Variants in SYT1 observed in about 807,000 individuals in gnomAD.
The protein encoded by SYT1 is synaptotagmin 1.
A neutral mutation model predicts 44.8 loss-of-function variants in SYT1; 8 were observed. The ratio of observed to expected loss-of-function variants is 0.18; its 90% CI spans 0.10 to 0.32. SYT1 has a LOEUF of 0.32. SYT1 is among the 10% of genes least tolerant of loss of function. SYT1 has a pLI of 1.00. For missense variants in SYT1, 286 were observed against 509.3 expected, an observed-to-expected ratio of 0.56 and a Z score of 4.22; for synonymous variants, 154 against 188.8, an observed-to-expected ratio of 0.82 and a Z score of 1.51.
chr12:79,248,813 C>G (rs1877006426), intron 4 of SYT1, among the ~76,000 whole-genome samples: 2 of 152,134 alleles, frequency 1.3e-5, no homozygotes, highest in Admixed American at 6.6e-5. Flanking sequence ...AGAGTTAGCC[C>G]TGCAAAGGAG....
At chr12:79,339,673 A>G (rs1208044629) in intron 8 of SYT1, among the ~76,000 whole-genome samples, 2 of 152,136 alleles carry the variant, frequency 1.3e-5, no homozygotes, top group Non-Finnish European at 2.9e-5. Flanking sequence ...CTTTAGTTTA[A>G]TTAGATCCCA....
chr12:78,879,091 A>AC (rs763703006), intron 1 of SYT1, among the ~76,000 whole-genome samples: 1 of 151,668 alleles, frequency 6.6e-6, no homozygotes, highest in Non-Finnish European at 1.5e-5. Context: ...ACCCATTCCC[A>AC]CCCCAGGCTT....
In SYT1 at chr12:78,872,630, C is replaced by A. The variant is rs545793160; in HGVS notation, c.-217+7521C>A. Among the ~76,000 whole-genome samples the A allele has an allele frequency of 2.6e-5, 4 of 151,714 alleles. No homozygotes were observed. The East Asian group carries it at 7.7e-4, about 29-fold the overall frequency. On this transcript the variant is annotated intron_variant, in intron 1 of 10. Transcript: ENST00000261205. ...GCCCTTCTTCCTTCTTTTCTTCATT[C>A]TTTTGTCTTTCCTTTCTTTTTTTGT...
chr12:79,416,753 T>G (rs1248179040), intron 9 of SYT1, among the ~76,000 whole-genome samples: 1 of 152,200 alleles, frequency 6.6e-6, no homozygotes, highest in African/African-American at 2.4e-5. Context: ...AGCAAACTAT[T>G]TGAAATGCAT....
intron 3 of SYT1, among the ~76,000 whole-genome samples, chr12:79,112,996 AAGTGTACAAAG>A (rs1879095462): frequency 6.6e-6 from 1 of 152,132 alleles, no homozygotes; most frequent in South Asian, 2.1e-4. Flanking sequence ...ACACCAACAG[AAGTGTACAAAG>A]AGATAATGAA....
chr12:78,973,363 T>A (rs1474995060), intron 1 of SYT1, among the ~76,000 whole-genome samples: 1 of 152,132 alleles, frequency 6.6e-6, no homozygotes, highest in Non-Finnish European at 1.5e-5. Flanking sequence ...TCCTTCTAAC[T>A]GAAATTTTGT....
rs116674850 is a variant in SYT1 at position 79,188,465 on chromosome 12, C to T, written c.-17-29038C>T. Among the ~76,000 whole-genome samples the T allele has an allele frequency of 4.7e-3, 715 of 152,128 alleles. 10 individuals are homozygous for T. Among genetic ancestry groups the T allele is most frequent in the African/African-American group, 0.017 (696 of 41,520 alleles). Reference sequence around the variant, plus strand: ...AAATGGTGTAATTTGGATTTTGAACCCTTTTCTCAGGACTTAGATTGTTTT... The same window carrying T: ...AAATGGTGTAATTTGGATTTTGAACTCTTTTCTCAGGACTTAGATTGTTTT... On this transcript the variant is annotated intron_variant, in intron 3 of 10. Transcript: ENST00000261205.
chr12:79,179,431 GAT>G (rs1872310198), intron 3 of SYT1, among the ~76,000 whole-genome samples: 2 of 7,220 alleles, frequency 2.8e-4, no homozygotes, highest in East Asian at 1.7e-3. Flanking sequence ...TATCTATATA[GAT>G]ATATCCATAT....
intron 1 of SYT1, among the ~76,000 whole-genome samples, chr12:78,895,660 T>C (rs1365752324): frequency 1.3e-5 from 2 of 151,800 alleles, no homozygotes; most frequent in Non-Finnish European, 2.9e-5. Flanking sequence ...CAAAAATGAA[T>C]GATTGTGAAA....
At chr12:79,346,000 A>C (rs1882589842) in intron 8 of SYT1, among the ~76,000 whole-genome samples, 1 of 152,214 alleles carries the variant, frequency 6.6e-6, no homozygotes, top group Non-Finnish European at 1.5e-5. Context: ...TACAATTAAC[A>C]TAAATAGAAT....
intron 2 of SYT1, among the ~76,000 whole-genome samples, chr12:78,993,664 A>T (rs61928089): frequency 0.084 from 12,787 of 152,286 alleles, 665 homozygotes; most frequent in African/African-American, 0.14. Flanking sequence ...CAAAATTTTT[A>T]AAAGTATTTA....
intron 9 of SYT1, among the ~76,000 whole-genome samples, chr12:79,399,917 A>G (rs1009342893): frequency 6.6e-6 from 1 of 152,368 alleles, no homozygotes; most frequent in African/African-American, 2.4e-5. Flanking sequence ...CAAGCTAATC[A>G]GTTATATCCA....
At chr12:79,047,959 G>A (rs1874195814) in intron 3 of SYT1, among the ~76,000 whole-genome samples, 1 of 151,796 alleles carries the variant, frequency 6.6e-6, no homozygotes, top group Admixed American at 6.6e-5. Flanking sequence ...CAAAGTACAT[G>A]TTGATGTCAA....
At chr12:79,281,734 T>C (rs1019998350) in intron 4 of SYT1, among the ~76,000 whole-genome samples, 7 of 152,196 alleles carry the variant, frequency 4.6e-5, no homozygotes, top group African/African-American at 1.4e-4. Flanking sequence ...TAATGTATAG[T>C]TACCTATATA....
At chr12:79,192,477 A>C (rs1395117799) in intron 3 of SYT1, among the ~76,000 whole-genome samples, 1 of 152,146 alleles carries the variant, frequency 6.6e-6, no homozygotes, top group East Asian at 1.9e-4. Context: ...TCAGATGCTC[A>C]TTACTCGGGG....
intron 3 of SYT1, among the ~76,000 whole-genome samples, chr12:79,168,719 TG>T (rs1871346720): frequency 6.6e-6 from 1 of 152,048 alleles, no homozygotes; most frequent in South Asian, 2.1e-4. Flanking sequence ...TTAGCAAGGA[TG>T]TGATTTTGAG....
intron 3 of SYT1, among the ~76,000 whole-genome samples, chr12:79,123,592 C>T (rs1393431258): frequency 6.6e-6 from 1 of 152,112 alleles, no homozygotes; most frequent in African/African-American, 2.4e-5. Context: ...AATTCAGAAA[C>T]ACATTTACTG....
chr12:79,279,630 A>G (rs993127030), intron 4 of SYT1, among the ~76,000 whole-genome samples: 1 of 152,164 alleles, frequency 6.6e-6, no homozygotes, highest in Non-Finnish European at 1.5e-5. Flanking sequence ...CTTCCATTCA[A>G]CATAGTACTG....
chr12:78,987,723 A>C (rs1485279150), intron 2 of SYT1, among the ~76,000 whole-genome samples: 1 of 152,044 alleles, frequency 6.6e-6, no homozygotes, highest in Non-Finnish European at 1.5e-5. Flanking sequence ...CCAAGCTCAG[A>C]TGGGCTTACT....
Sources: allele counts gnomAD v4.1 joint callset (sites outside exome capture counted in the v4.1 genomes callset), GRCh38; gene constraint gnomAD v4.1.1; transcripts MANE v1.5; gene names NCBI Gene and HGNC (gene_info 2026-07-23, HGNC 2026-07-21).